Variants in GALT observed in about 807,000 individuals in gnomAD.
GALT encodes the protein UDP-glucose--hexose-1-phosphate uridylyltransferase.
GALT carries 42 observed loss-of-function variants against 55.4 expected under a neutral mutation model. That is an observed-to-expected ratio of 0.76 (90% CI 0.59 to 0.98). GALT has a LOEUF of 0.98. Among genes scored for constraint, GALT ranks in the 50% least tolerant of loss-of-function variants. The pLI is 0.00. For synonymous variants in GALT, 154 were observed against 181.5 expected (o/e 0.85, Z 1.22); for missense variants, 407 against 495.7 (o/e 0.82, Z 1.70).
intron 10 of GALT, 142 bp downstream of exon 10, chr9:34,649,706 G>A (rs757279922): frequency 2.6e-5 from 24 of 927,870 alleles, no homozygotes; most frequent in Non-Finnish European, 3.8e-5. Flanking sequence ...AAAGTTAGGA[G>A]CCCTAGGGCC....
chr9:34,648,743 A>G lies in GALT; in HGVS notation c.688-19A>G. 1.2e-6 allele frequency: 2 copies of G among 1,612,546 alleles called. No homozygotes were observed. Among genetic ancestry groups the G allele is most frequent in the Non-Finnish European group, 1.7e-6 (2 of 1,179,938 alleles). On this transcript the variant is annotated intron_variant, in intron 7 of 10. Coordinates refer to ENST00000378842, the MANE Select transcript of GALT (RefSeq NM_000155.4). The surrounding 1 kb of genome is among the most constrained non-coding windows in gnomAD (Gnocchi z 4.9). ...TCCTATGTCACCTTGATGACTTCCT[A>G]TCCATTCTGTCTTCCTAGGAACGTC...
intron 10 of GALT, chr9:34,649,765 A>G: frequency 1.7e-6 from 1 of 598,360 alleles, no homozygotes; most frequent in Non-Finnish European, 3.0e-6. Context: ...TGCTTCCTCC[A>G]GGGAACCCAA....
chr9:34,647,051 G>C lies in GALT; in HGVS notation c.83-38G>C, dbSNP rs1330526362. On this transcript the variant is annotated intron_variant, in intron 1 of 10. Coordinates refer to ENST00000378842, the MANE Select transcript of GALT (RefSeq NM_000155.4). The surrounding 1 kb of genome is among the most constrained non-coding windows in gnomAD (Gnocchi z 5.6). The stretch of plus-strand genomic sequence containing the variant: ...GTGAGACCCAGGAGAGAGGGAGCTA[G>C]AGAGCTCTGAGGACTGATCTTGACT... 7 of 1,613,860 alleles carry C rather than the reference G, an allele frequency of 4.3e-6. No homozygotes were observed. Among genetic ancestry groups the C allele is most frequent in the South Asian group, 1.1e-5 (1 of 91,068 alleles).
chr9:34,647,990 G>A lies in GALT; in HGVS notation c.507+29G>A. ...TGTGAGGTCGCCCCTTCCCCTGGAT[G>A]GGCAGGGAGGGGGTGATGAAGCTTT... On this transcript the variant is annotated intron_variant, in intron 5 of 10. Coordinates refer to ENST00000378842, the MANE Select transcript of GALT (RefSeq NM_000155.4). The surrounding 1 kb of genome is among the most constrained non-coding windows in gnomAD (Gnocchi z 5.6). 6.2e-7 allele frequency: 1 copy of A among 1,614,172 alleles called. No individual in the cohort carries two copies.
chr9:34,649,165 G>A (rs1821190266), intron 9 of GALT, 84 bp downstream of exon 9: 1 of 1,415,462 alleles, frequency 7.1e-7, no homozygotes, highest in South Asian at 1.1e-5. Flanking sequence ...CAACCTCAAA[G>A]GAGCAAGCCT....
At chr9:34,650,096 A>G (rs1453480650) in intron 10 of GALT, 2 of 438,582 alleles carry the variant, frequency 4.6e-6, no homozygotes, top group Non-Finnish European at 8.4e-6. Flanking sequence ...CCTGGGAAAC[A>G]TAGGAAGCCC....
In GALT at chr9:34,650,495, C is replaced by T. The variant is rs776007807; in HGVS notation, c.*46C>T. 6 of 1,561,906 alleles carry T rather than the reference C, an allele frequency of 3.8e-6. No homozygotes were observed. In the African/African-American group the frequency reaches 8.1e-5, roughly 21 times the overall value. On this transcript the variant is annotated 3_prime_UTR_variant, in exon 11 of 11. Coordinates refer to ENST00000378842, the MANE Select transcript of GALT (RefSeq NM_000155.4). ...TGAATCCTTTTTTGTTTTCAACAGT[C>T]TTGCTGAATTAAGCAGAAAGGGCCT...
Position 34,650,858 on chromosome 9 carries a change from C to G in GALT, c.*409C>G, listed in dbSNP as rs998711780. ...TGAGGCTTTGGGAAGGCCAGAGCCC[C>G]CTTTGCCACCACCCCTAGGGTGTCA... On this transcript the variant is annotated 3_prime_UTR_variant, in exon 11 of 11. Coordinates refer to ENST00000378842, the MANE Select transcript of GALT (RefSeq NM_000155.4). 9.6e-6 allele frequency: 2 copies of G among 209,046 alleles called. No homozygotes were observed. Among genetic ancestry groups the G allele is most frequent in the African/African-American group, 4.7e-5 (2 of 42,310 alleles). 12.9% of individuals were successfully genotyped at this position (209,046 alleles called of 1,614,324 possible). A position where few individuals can be genotyped will look rare whatever the true frequency, so the allele number is the denominator to read the frequency against.
Position 34,649,034 on chromosome 9 carries a change from A to G in GALT, c.857A>G (p.Tyr286Cys), listed in dbSNP as rs367543262. 6.2e-7 allele frequency: 1 copy of G among 1,614,062 alleles called. No individual in the cohort carries two copies. Among genetic ancestry groups the G allele is most frequent in the East Asian group, 2.2e-5 (1 of 44,894 alleles). The change falls in exon 9 of 11, where the codon TAT becomes TGT. Residue 286 changes from tyrosine (Y) to cysteine (C), a missense_variant. Physicochemically the swap from Tyr to Cys is radical, Grantham distance 194. Transcript: ENST00000378842. ...ASIMKKLLTK[Y>C]DNLFETSFPY... ...ATCATGAAGAAGCTCTTGACCAAGTATGACAACCTCTTTGAGACGTCCTTT... is the reference window on the plus strand; with the variant it reads ...ATCATGAAGAAGCTCTTGACCAAGTGTGACAACCTCTTTGAGACGTCCTTT...
At chr9:34,649,717 T>C in intron 10 of GALT, 153 bp downstream of exon 10, 1 of 819,202 alleles carries the variant, frequency 1.2e-6, no homozygotes, top group South Asian at 1.6e-5. Context: ...CCCTAGGGCC[T>C]GGAAGGAGAG....
chr9:34,647,648 T>C lies in GALT; in HGVS notation c.329-9T>C. ...TTCTGCTGCAGAGAGTGATACTCCT[T>C]TACCTCAGGACCCAGTGATCATCCC... On this transcript the variant is annotated splice_polypyrimidine_tract_variant and intron_variant, in intron 3 of 10. Coordinates refer to ENST00000378842, the MANE Select transcript of GALT (RefSeq NM_000155.4). The surrounding 1 kb of genome is among the most constrained non-coding windows in gnomAD (Gnocchi z 5.6). 5.0e-6 allele frequency: 8 copies of C among 1,614,148 alleles called. No homozygotes were observed. Among genetic ancestry groups the C allele is most frequent in the Non-Finnish European group, 6.8e-6 (8 of 1,180,028 alleles).
In GALT at chr9:34,647,955, G is replaced by A; in HGVS notation, c.501G>A (p.Trp167Ter). Residue 167 changes from tryptophan to a stop codon, truncating the protein, a stop_gained, in exon 5 of 11, where the codon TGG becomes TGA. Coordinates refer to ENST00000378842, the MANE Select transcript of GALT (RefSeq NM_000155.4). LOFTEE classifies it high-confidence loss of function. This position sits in a 1 kb window ranked among gnomAD's most constrained non-coding sequence, Gnocchi z 5.6. ...AGGAGCTGGGTGCCCAGTACCCTTG[G>A]GTGCAGGTTTGTGAGGTCGCCCCTT... is the stretch of plus-strand genomic sequence containing the variant. The part of the protein sequence containing the change: ...VTEELGAQYP[W>*]VQIFENKGAM... 1 of 1,614,204 alleles carries A rather than the reference G, an allele frequency of 6.2e-7. No individual in the cohort carries two copies. The highest frequency in any genetic ancestry group is 8.5e-7 in the Non-Finnish European group (1 of 1,180,040).
In GALT at chr9:34,648,755, T is replaced by G; in HGVS notation, c.688-7T>G. ...TTGATGACTTCCTATCCATTCTGTC[T>G]TCCTAGGAACGTCTGGTCCTAACCA... On this transcript the variant is annotated splice_region_variant and splice_polypyrimidine_tract_variant and intron_variant, in intron 7 of 10. Transcript: ENST00000378842. This position sits in a 1 kb window ranked among gnomAD's most constrained non-coding sequence, Gnocchi z 4.9. 1 of 1,613,070 alleles carries G rather than the reference T, an allele frequency of 6.2e-7. No individual in the cohort carries two copies. The highest frequency in any genetic ancestry group is 1.7e-4 in the Middle Eastern group (1 of 5,996).
chr9:34,646,688 G>C lies in GALT; in HGVS notation c.-17G>C. On this transcript the variant is annotated 5_prime_UTR_variant, in exon 1 of 11. Transcript: ENST00000378842. The stretch of plus-strand genomic sequence containing the variant: ...GCACGGCCCTGCAGATTTTCCAGCG[G>C]ATCCCCCGGTGGCCTCATGTCGCGC... 1.2e-6 allele frequency: 2 copies of C among 1,613,578 alleles called. No homozygotes were observed. The highest frequency in any genetic ancestry group is 8.5e-7 in the Non-Finnish European group (1 of 1,179,964).
Position 34,648,000 on chromosome 9 carries a change from G to C in GALT, c.507+39G>C. On this transcript the variant is annotated intron_variant, in intron 5 of 10. Coordinates refer to ENST00000378842, the MANE Select transcript of GALT (RefSeq NM_000155.4). The surrounding 1 kb of genome is among the most constrained non-coding windows in gnomAD (Gnocchi z 5.6). Reference sequence around the variant, plus strand: ...CCCCTTCCCCTGGATGGGCAGGGAGGGGGTGATGAAGCTTTGGTTCTGGGG... The same window carrying C: ...CCCCTTCCCCTGGATGGGCAGGGAGCGGGTGATGAAGCTTTGGTTCTGGGG... 2 of 1,614,208 alleles carry C rather than the reference G, an allele frequency of 1.2e-6. No individual in the cohort carries two copies. Among genetic ancestry groups the C allele is most frequent in the Non-Finnish European group, 1.7e-6 (2 of 1,180,024 alleles).
At chr9:34,646,976 T>TGAGCGGGACAGGGCCGAGAGGGCGCTCCC in intron 1 of GALT, 113 bp from the exon 2 acceptor site, 1 of 1,606,456 alleles carries the variant, frequency 6.2e-7, no homozygotes, top group Admixed American at 1.7e-5. Context: ...CTCTAGCTCC[T>TGAGCGGGACAGGGCCGAGAGGGCGCTCCC]GAGCGGGACA....
Position 34,648,105 on chromosome 9 carries a change from T to C in GALT, c.508-10T>C, listed in dbSNP as rs1188762474. ...TTTGGCTAACAGAGCTCCGTATCCC[T>C]ATCTGATAGATCTTTGAAAACAAAG... On this transcript the variant is annotated splice_polypyrimidine_tract_variant and intron_variant, in intron 5 of 10. Transcript: ENST00000378842. This position sits in a 1 kb window ranked among gnomAD's most constrained non-coding sequence, Gnocchi z 4.9. The C allele has an allele frequency of 6.2e-7, 1 of 1,614,222 alleles. No homozygotes were observed. Among genetic ancestry groups the C allele is most frequent in the African/African-American group, 1.3e-5 (1 of 75,060 alleles).
Position 34,648,810 on chromosome 9 carries a change from T to C in GALT, c.736T>C (p.Trp246Arg). Residue 246 changes from tryptophan to arginine, a missense_variant, in exon 8 of 11, where the codon TGG becomes CGG. Trp to Arg is a moderately radical substitution (Grantham distance 101). Coordinates refer to ENST00000378842, the MANE Select transcript of GALT (RefSeq NM_000155.4). This position sits in a 1 kb window ranked among gnomAD's most constrained non-coding sequence, Gnocchi z 4.9. ...GCACTGGTTAGTACTGGTCCCCTTC[T>C]GGGCAACATGGCCCTACCAGACACT... is the stretch of plus-strand genomic sequence containing the variant. ...SEHWLVLVPFWATWPYQTLLL... is the reference protein window; with the variant it reads ...SEHWLVLVPFRATWPYQTLLL... 6.2e-7 allele frequency: 1 copy of C among 1,613,680 alleles called. No homozygotes were observed. The highest frequency in any genetic ancestry group is 8.5e-7 in the Non-Finnish European group (1 of 1,180,018).
Position 34,650,736 on chromosome 9 carries a change from A to G in GALT, c.*287A>G. 1 of 445,178 alleles carries G rather than the reference A, an allele frequency of 2.2e-6. No homozygotes were observed. The highest frequency in any genetic ancestry group is 4.1e-6 in the Non-Finnish European group (1 of 243,450). The allele number at this position is 445,178 out of a possible 1,614,324, so 27.6% of individuals were successfully genotyped here. A position where few individuals can be genotyped will look rare whatever the true frequency, so the allele number is the denominator to read the frequency against. On this transcript the variant is annotated 3_prime_UTR_variant, in exon 11 of 11. Transcript: ENST00000378842. ...AAATTTCTGAACAAAATTAATATTCAGTATTATATCTAGCCTATAGATTCT... is the reference window on the plus strand; with the variant it reads ...AAATTTCTGAACAAAATTAATATTCGGTATTATATCTAGCCTATAGATTCT...
Sources: gnomAD v4.1 joint callset for allele counts on GRCh38, gnomAD v4.1.1 for gene constraint, Gnocchi (gnomAD v3.1) non-coding constraint, MANE v1.5 for transcripts, NCBI Gene and HGNC (gene_info 2026-07-23, HGNC 2026-07-21) for gene names.